MICAL3: variants seen among roughly 807,000 people sequenced by gnomAD.
The protein encoded by MICAL3 is [F-actin]-monooxygenase MICAL3.
Under a neutral mutation model 207.4 loss-of-function variants are expected in MICAL3, and 62 were observed. The observed-to-expected ratio is 0.30, with a 90% CI of 0.24 to 0.37. The LOEUF (loss-of-function observed/expected upper bound fraction) is 0.37. MICAL3 is among the 10% of genes least tolerant of loss of function. The pLI is 1.00. For missense variants in MICAL3, 2,368 were observed against 2,635.6 expected (o/e 0.90, Z 2.22); for synonymous variants, 1,077 against 1,069.3 (o/e 1.01, Z -0.14).
intron 22 of MICAL3, among the ~76,000 whole-genome samples, chr22:17,824,138 G>A (rs1038646956): frequency 1.2e-4 from 18 of 152,298 alleles, no homozygotes; most frequent in African/African-American, 4.3e-4. Context: ...GGAAGAGGGC[G>A]GCACGCTCTG....
rs148789254 is a variant in MICAL3, at chr22:17,933,188, G to A, written c.-74-26302C>T. On this transcript the variant is annotated intron_variant, in intron 1 of 31. Transcript: ENST00000441493. ...TATACATTCTTGTCAGCACCACATC[G>A]CACTTATTCTAAAACTGACCACATA... is the stretch of plus-strand genomic sequence containing the variant. Among the ~76,000 whole-genome samples, 617 of 152,154 alleles carry A rather than the reference G, an allele frequency of 4.1e-3. 3 individuals are homozygous for A. Among genetic ancestry groups the A allele is most frequent in the African/African-American group, 0.014 (577 of 41,518 alleles).
chr22:17,887,116 C>T (rs1929986938), intron 15 of MICAL3, 54 bp downstream of exon 15: 2 of 1,403,384 alleles, frequency 1.4e-6, no homozygotes, highest in South Asian at 2.4e-5. Context: ...AGAATTTTAA[C>T]CAAAAGGGGC....
chr22:17,896,943 G>A lies in MICAL3; in HGVS notation c.987C>T (p.Asn329=), dbSNP rs745847847. The change falls in exon 8 of 32, where the codon AAC becomes AAT. Residue 329 remains asparagine (N), a synonymous_variant. Transcript: ENST00000441493. ...AGCTGAGCAGAGCCTCCTGGTCCACGTTTTCTCGGGAAAGCAGGAGCTCTG... is the reference window on the plus strand; with the variant it reads ...AGCTGAGCAGAGCCTCCTGGTCCACATTTTCTCGGGAAAGCAGGAGCTCTG... ...ADTELLLSRE[N]VDQEALLSYA... 1.1e-5 allele frequency: 17 copies of A among 1,613,700 alleles called. No individual in the cohort carries two copies. The highest frequency in any genetic ancestry group is 8.3e-5 in the Admixed American group (5 of 59,994).
chr22:17,927,467 T>C (rs979289840), intron 1 of MICAL3, among the ~76,000 whole-genome samples: 1 of 152,174 alleles, frequency 6.6e-6, no homozygotes, highest in Non-Finnish European at 1.5e-5. Flanking sequence ...TCTAAACAAA[T>C]CTACTTAAGC....
chr22:17,832,553 C>A (rs886672347), intron 20 of MICAL3, among the ~76,000 whole-genome samples: 1 of 152,206 alleles, frequency 6.6e-6, no homozygotes, highest in Non-Finnish European at 1.5e-5. Context: ...ACTGAGATCG[C>A]TGGTTTACGT....
chr22:17,862,470 C>T (rs987520860), intron 19 of MICAL3: 42 of 574,782 alleles, frequency 7.3e-5, no homozygotes, highest in Non-Finnish European at 9.0e-5. Context: ...CTGTGTTAGC[C>T]AGGATGGTCT....
At chr22:17,860,403 C>T in intron 19 of MICAL3, 1 of 985,472 alleles carries the variant, frequency 1.0e-6, no homozygotes, top group Non-Finnish European at 1.2e-6. Context: ...ACAGCTAATC[C>T]TCTCCTGTTG....
intron 16 of MICAL3, among the ~76,000 whole-genome samples, chr22:17,880,180 C>T (rs1187455329): frequency 6.6e-6 from 1 of 152,182 alleles, no homozygotes; most frequent in East Asian, 1.9e-4. Flanking sequence ...GAGCGTAGCC[C>T]CGGTCCCACA....
chr22:17,898,156 T>C (rs915223669), intron 7 of MICAL3, among the ~76,000 whole-genome samples: 2 of 151,858 alleles, frequency 1.3e-5, no homozygotes, highest in Non-Finnish European at 2.9e-5. Flanking sequence ...CTTGGCATTC[T>C]AGACTGCTCC....
chr22:17,970,002 T>C (rs557975291), intron 1 of MICAL3, among the ~76,000 whole-genome samples: 2 of 152,350 alleles, frequency 1.3e-5, no homozygotes, highest in African/African-American at 2.4e-5. Context: ...GTAATCAGAC[T>C]TCCCTTTGGT....
At position 17,987,081 on chromosome 22, in the gene MICAL3, T is replaced by TA. The variant is rs977580917; in HGVS notation, c.-75+37199dup. Among the ~76,000 whole-genome samples the TA allele has an allele frequency of 3.3e-3, 484 of 147,836 alleles. 2 individuals carry two copies. The highest frequency in any genetic ancestry group is 4.9e-3 in the Non-Finnish European group (327 of 66,588). The stretch of plus-strand genomic sequence containing the variant: ...AGCGAGACCCCATCTCCACTAAAAA[T>TA]AAAAAAAAAATTGTCCAGGCATAGG... On this transcript the variant is annotated intron_variant, in intron 1 of 31. Transcript: ENST00000441493.
chr22:17,976,589 A>ATTTTTTTTTTT (rs1195101695), intron 1 of MICAL3, among the ~76,000 whole-genome samples: 1 of 67,110 alleles, frequency 1.5e-5, no homozygotes, highest in African/African-American at 6.5e-5. Flanking sequence ...ATATATATAT[A>ATTTTTTTTTTT]TTTTTTTTTT....
At chr22:17,996,114 A>C (rs1922245329) in intron 1 of MICAL3, among the ~76,000 whole-genome samples, 1 of 135,380 alleles carries the variant, frequency 7.4e-6, no homozygotes, top group South Asian at 2.5e-4. Flanking sequence ...TAGGTGGCAG[A>C]GTGAGATGCT....
intron 5 of MICAL3, among the ~76,000 whole-genome samples, chr22:17,901,282 G>A (rs1931296748): frequency 6.6e-6 from 1 of 152,140 alleles, no homozygotes; most frequent in Admixed American, 6.5e-5. Flanking sequence ...GATGCGTGGG[G>A]GGAGCACCTG....
chr22:17,883,005 G>A (rs1351232887), intron 16 of MICAL3, among the ~76,000 whole-genome samples: 1 of 152,000 alleles, frequency 6.6e-6, no homozygotes, highest in African/African-American at 2.4e-5. Flanking sequence ...TCCCCCACTC[G>A]CCTATGTCAC....
chr22:17,963,983 T>C (rs1415275079), intron 1 of MICAL3, among the ~76,000 whole-genome samples: 2 of 152,184 alleles, frequency 1.3e-5, no homozygotes, highest in African/African-American at 4.8e-5. Context: ...TGTAACACAA[T>C]GGCAATAACA....
chr22:17,841,761 G>A lies in MICAL3; in HGVS notation c.2801+61C>T. The A allele has an allele frequency of 6.7e-7, 1 of 1,498,974 alleles. No homozygotes were observed. Among genetic ancestry groups the A allele is most frequent in the Non-Finnish European group, 9.0e-7 (1 of 1,106,724 alleles). The allele number at this position is 1,498,974 out of a possible 1,614,324, so 92.9% of individuals were successfully genotyped here. On this transcript the variant is annotated intron_variant, in intron 20 of 31. Coordinates refer to ENST00000441493, the MANE Select transcript of MICAL3 (RefSeq NM_015241.3). This position sits in a 1 kb window ranked among gnomAD's most constrained non-coding sequence, Gnocchi z 4.2. ...CACTGAGAAGAAACCGAGACACACAGAGGTGAGGAGGCTCTTAGGGCCGTG... is the reference window on the plus strand; with the variant it reads ...CACTGAGAAGAAACCGAGACACACAAAGGTGAGGAGGCTCTTAGGGCCGTG...
chr22:17,939,539 C>A (rs1235885942), intron 1 of MICAL3, among the ~76,000 whole-genome samples: 1 of 152,220 alleles, frequency 6.6e-6, no homozygotes, highest in African/African-American at 2.4e-5. Flanking sequence ...GCCTGGGAGA[C>A]TGGGCTGAAT....
intron 29 of MICAL3, among the ~76,000 whole-genome samples, chr22:17,807,754 G>A (rs147857559): frequency 0.01 from 1,546 of 152,326 alleles, 16 homozygotes; most frequent in Middle Eastern, 0.048. Flanking sequence ...CCATGGGTCA[G>A]TCTTTGAGCA....
Sources: allele counts gnomAD v4.1 joint callset (sites outside exome capture counted in the v4.1 genomes callset), GRCh38; gene constraint gnomAD v4.1.1; non-coding constraint Gnocchi (gnomAD v3.1); transcripts MANE v1.5; gene names NCBI Gene and HGNC (gene_info 2026-07-23, HGNC 2026-07-21).